SLC16A9: variants seen among roughly 807,000 people sequenced by gnomAD.
SLC16A9 encodes the protein monocarboxylate transporter 9.
A neutral mutation model predicts 44.3 loss-of-function variants in SLC16A9; 26 were observed. That is an observed-to-expected ratio of 0.59 (90% CI 0.43 to 0.81). The LOEUF is 0.81. SLC16A9 is among the 40% of genes least tolerant of loss of function. SLC16A9 has a pLI of 0.00. For synonymous variants in SLC16A9, 230 were observed against 225.1 expected (o/e 1.02, Z -0.19); for missense variants, 559 against 595.8 (o/e 0.94, Z 0.64).
In SLC16A9 at chr10:59,666,404, CT is replaced by C. The variant is rs573949507; in HGVS notation, c.341-2083del. 3.9e-5 allele frequency among the ~76,000 whole-genome samples: 6 copies of C among 152,122 alleles called. No individual in the cohort carries two copies. In the East Asian group the frequency reaches 1.2e-3, roughly 29 times the overall value. On this transcript the variant is annotated intron_variant, in intron 3 of 5. Coordinates refer to ENST00000395348, the MANE Select transcript of SLC16A9 (RefSeq NM_194298.3). ...AGTTGTTAAAGAGAAGTCTGTGTAC[CT>C]ATGGTCCCTAAGATCTTTCATGAAG...
intron 3 of SLC16A9, among the ~76,000 whole-genome samples, chr10:59,668,588 A>G (rs922466799): frequency 3.3e-5 from 5 of 152,248 alleles, no homozygotes; most frequent in African/African-American, 1.2e-4. Flanking sequence ...CGACTTTGGC[A>G]AAGTCATTTA....
At chr10:59,675,649 C>T (rs1839842561) in intron 2 of SLC16A9, among the ~76,000 whole-genome samples, 1 of 152,142 alleles carries the variant, frequency 6.6e-6, no homozygotes, top group South Asian at 2.1e-4. Context: ...GTACGACCTT[C>T]CTCTGGGGGC....
chr10:59,669,794 G>A (rs1237928952), intron 3 of SLC16A9, among the ~76,000 whole-genome samples: 6 of 148,866 alleles, frequency 4.0e-5, no homozygotes, highest in Non-Finnish European at 5.9e-5. Flanking sequence ...ACTCCGTCTC[G>A]AAAGAAAAAA....
At position 59,674,540 on chromosome 10, in the gene SLC16A9, C is replaced by T. The variant is rs547848547; in HGVS notation, c.197-1627G>A. ...TTAAAAGGAAAATCCATTTGAAAGA[C>T]CAAATTTATCATCCAATAGTTGGGC... is the stretch of plus-strand genomic sequence containing the variant. On this transcript the variant is annotated intron_variant, in intron 2 of 5. Transcript: ENST00000395348. Among the ~76,000 whole-genome samples, 3 of 152,244 alleles carry T rather than the reference C, an allele frequency of 2.0e-5. 1 individual carries two copies. The East Asian group carries it at 5.8e-4, about 29-fold the overall frequency.
At chr10:59,662,370 C>T (rs1001133558) in intron 4 of SLC16A9, among the ~76,000 whole-genome samples, 5 of 151,456 alleles carry the variant, frequency 3.3e-5, no homozygotes, top group Non-Finnish European at 7.4e-5. Context: ...GGCACAGTGG[C>T]TCACACCTTT....
chr10:59,668,956 T>C (rs552189708), intron 3 of SLC16A9, among the ~76,000 whole-genome samples: 1 of 152,220 alleles, frequency 6.6e-6, no homozygotes, highest in Non-Finnish European at 1.5e-5. Flanking sequence ...AGAATTACAG[T>C]AAGAGAATCA....
chr10:59,703,025 AG>A (rs749187087), intron 1 of SLC16A9, among the ~76,000 whole-genome samples: 6 of 152,260 alleles, frequency 3.9e-5, no homozygotes. Context: ...AAGGCAGAAC[AG>A]GAAGTAAAAT....
rs139348593 is a variant in SLC16A9 at position 59,669,789 on chromosome 10, G to A, written c.340+2981C>T. Among the ~76,000 whole-genome samples the A allele has an allele frequency of 3.8e-3, 572 of 151,300 alleles. 2 individuals carry two copies. Among genetic ancestry groups the A allele is most frequent in the African/African-American group, 0.012 (513 of 41,154 alleles). The stretch of plus-strand genomic sequence containing the variant: ...GAGGCGGAGGTTGCAGTGAGACTCC[G>A]TCTCGAAAGAAAAAAAAAAAAGTAC... On this transcript the variant is annotated intron_variant, in intron 3 of 5. Coordinates refer to ENST00000395348, the MANE Select transcript of SLC16A9 (RefSeq NM_194298.3).
chr10:59,679,710 A>G (rs560708937), intron 2 of SLC16A9, among the ~76,000 whole-genome samples: 2 of 152,316 alleles, frequency 1.3e-5, no homozygotes, highest in South Asian at 4.1e-4. Context: ...AATGTAACCT[A>G]GCCAAGTTGA....
intron 1 of SLC16A9, among the ~76,000 whole-genome samples, chr10:59,699,882 C>T (rs1329881920): frequency 1.4e-5 from 2 of 147,810 alleles, no homozygotes; most frequent in Non-Finnish European, 3.0e-5. Context: ...TTCATTATTT[C>T]AGATTCAACT....
chr10:59,670,616 C>T (rs1904070), intron 3 of SLC16A9, among the ~76,000 whole-genome samples: 1,846 of 152,262 alleles, frequency 0.012, 36 homozygotes, highest in African/African-American at 0.042. Flanking sequence ...AAATGAAAGT[C>T]CTTAGGATAT....
At position 59,700,500 on chromosome 10, in the gene SLC16A9, A is replaced by T. The variant is rs184145043; in HGVS notation, c.-37+8979T>A. 3.5e-4 allele frequency among the ~76,000 whole-genome samples: 54 copies of T among 152,294 alleles called. 1 individual carries two copies. Among genetic ancestry groups the T allele is most frequent in the African/African-American group, 1.3e-3 (52 of 41,564 alleles). On this transcript the variant is annotated intron_variant, in intron 1 of 5. Transcript: ENST00000395348. Reference sequence around the variant, plus strand: ...ATGTGCATCAAAAAGCAAATGAAGAACTCCATTTTAAGTTTGTATTTCACA... The same window carrying T: ...ATGTGCATCAAAAAGCAAATGAAGATCTCCATTTTAAGTTTGTATTTCACA...
chr10:59,672,776 C>G lies in SLC16A9; in HGVS notation c.334G>C (p.Val112Leu), dbSNP rs762267060. The G allele has an allele frequency of 1.2e-6, 2 of 1,612,708 alleles. No individual in the cohort carries two copies. The highest frequency in any genetic ancestry group is 1.7e-6 in the Non-Finnish European group (2 of 1,179,434). Reference protein sequence around the residue: ...IYFLFFSYGIVVGLGCGLLYT... With the variant: ...IYFLFFSYGILVGLGCGLLYT... ...TAGTGACGAGGTTCCTTACCTACAA[C>G]AATGCCATAGGAAAAAAACAGAAAG... The change falls in exon 3 of 6, where the codon GTT becomes CTT. Residue 112 changes from valine to leucine, a missense_variant. Coordinates refer to ENST00000395348, the MANE Select transcript of SLC16A9 (RefSeq NM_194298.3).
At chr10:59,695,362 T>C (rs927482342) in intron 1 of SLC16A9, among the ~76,000 whole-genome samples, 5 of 152,224 alleles carry the variant, frequency 3.3e-5, no homozygotes, top group African/African-American at 1.2e-4. Context: ...GTAAACCCTA[T>C]GTGAATTTGT....
At chr10:59,693,385 C>T (rs2132518773) in intron 1 of SLC16A9, among the ~76,000 whole-genome samples, 1 of 152,130 alleles carries the variant, frequency 6.6e-6, no homozygotes, top group South Asian at 2.1e-4. Context: ...TATCATTTCT[C>T]TTCTAAAGTC....
At chr10:59,686,295 G>A (rs368467955) in intron 1 of SLC16A9, among the ~76,000 whole-genome samples, 1 of 151,928 alleles carries the variant, frequency 6.6e-6, no homozygotes, top group Non-Finnish European at 1.5e-5. Context: ...GAAATATTTT[G>A]TAGCTATTCA....
At chr10:59,686,176 C>G (rs1840129307) in intron 1 of SLC16A9, among the ~76,000 whole-genome samples, 2 of 152,260 alleles carry the variant, frequency 1.3e-5, no homozygotes, top group East Asian at 1.9e-4. Context: ...TGTCTATTCA[C>G]ACATCATTAC....
chr10:59,656,130 T>C (rs1839344186), intron 4 of SLC16A9, among the ~76,000 whole-genome samples: 1 of 152,252 alleles, frequency 6.6e-6, no homozygotes, highest in Non-Finnish European at 1.5e-5. Context: ...ATCTCTTTGC[T>C]AACTACTGAG....
intron 5 of SLC16A9, 39 bp downstream of exon 5, chr10:59,653,636 G>C: frequency 6.5e-7 from 1 of 1,545,018 alleles, no homozygotes; most frequent in Non-Finnish European, 8.8e-7. Flanking sequence ...TGACAAGGAA[G>C]AACAGTAAAA....
Sources: allele counts gnomAD v4.1 joint callset (sites outside exome capture counted in the v4.1 genomes callset), GRCh38; gene constraint gnomAD v4.1.1; transcripts MANE v1.5; gene names NCBI Gene and HGNC (gene_info 2026-07-23, HGNC 2026-07-21).